The following ZFX variants were observed in gnomAD, a reference collection of about 807,000 sequenced individuals.
The protein encoded by ZFX is zinc finger X-chromosomal protein.
For synonymous variants in ZFX, 196 were observed against 226.8 expected (o/e 0.86, Z 1.22); for missense variants, 362 against 628.3 (o/e 0.58, Z 4.53).
chrX:24,157,908 G>A (rs926741183), intron 3 of ZFX, among the ~76,000 whole-genome samples: 13 of 111,066 alleles, frequency 1.2e-4, no homozygotes, highest in African/African-American at 4.3e-4. Context: ...ACAGGTGCAC[G>A]CTGCCACGCC....
At chrX:24,200,883 G>C (rs1937250371) in intron 5 of ZFX, among the ~76,000 whole-genome samples, 1 of 112,187 alleles carries the variant, frequency 8.9e-6, no homozygotes, top group Non-Finnish European at 1.9e-5. Flanking sequence ...ATGTAGAAAT[G>C]CTAAGGATAT....
chrX:24,210,366 A>T lies in ZFX; in HGVS notation c.1408A>T (p.Ser470Cys). 1 of 1,212,013 alleles carries T rather than the reference A, an allele frequency of 8.3e-7. No individual in the cohort carries two copies. The highest frequency in any genetic ancestry group is 1.1e-6 in the Non-Finnish European group (1 of 895,639). The change falls in exon 10 of 10, where the codon AGT (serine) becomes TGT (cysteine). Residue 470 changes from serine (S) to cysteine (C), a missense_variant. Coordinates refer to ENST00000304543, the MANE Select transcript of ZFX (RefSeq NM_003410.4). ...DCDYTTNKKI[S>C]LHNHLESHKL... ...TGATTACACTACCAACAAGAAGATAAGTTTACACAACCACCTGGAGAGCCA... is the reference window on the plus strand; with the variant it reads ...TGATTACACTACCAACAAGAAGATATGTTTACACAACCACCTGGAGAGCCA...
chrX:24,173,508 AAAC>A (rs930093734), intron 4 of ZFX: 1 of 1,043,090 alleles, frequency 9.6e-7, no homozygotes. Flanking sequence ...ATAGGAAAAA[AAAC>A]AGTATTAGAA....
chrX:24,179,729 A>G lies in ZFX; in HGVS notation c.605A>G (p.Asp202Gly). Residue 202 changes from aspartate (D) to glycine (G), a missense_variant, in exon 5 of 10, where the codon GAT (aspartate) becomes GGT (glycine). Coordinates refer to ENST00000304543, the MANE Select transcript of ZFX (RefSeq NM_003410.4). ...AATGGGATCCCTGTGGACCAGCAGG[A>G]TGATGACAAAGGCAACTGTGAGGAC... The part of the protein sequence containing the change: ...DANGIPVDQQ[D>G]DDKGNCEDYL... The G allele has an allele frequency of 1.7e-6, 2 of 1,210,642 alleles. No individual in the cohort carries two copies. The highest frequency in any genetic ancestry group is 1.1e-6 in the Non-Finnish European group (1 of 895,416).
chrX:24,206,506 T>C (rs1007842292), intron 5 of ZFX, among the ~76,000 whole-genome samples: 2 of 62,847 alleles, frequency 3.2e-5, no homozygotes, highest in Non-Finnish European at 5.3e-5. Context: ...CTGGCGTGTG[T>C]GTGTGTGTGT....
At chrX:24,160,298 C>CTTTTTT (rs397966885) in intron 3 of ZFX, among the ~76,000 whole-genome samples, 1 of 84,158 alleles carries the variant, frequency 1.2e-5, no homozygotes, top group South Asian at 5.7e-4. Context: ...AATTGAAATG[C>CTTTTTT]TTTTTTTTTT....
chrX:24,206,135 G>C (rs1937567779), intron 5 of ZFX, among the ~76,000 whole-genome samples: 1 of 111,468 alleles, frequency 9.0e-6, no homozygotes, highest in African/African-American at 3.3e-5. Context: ...AAAGTTGTGT[G>C]TGTATGTTAT....
rs767333577 is a variant in ZFX at position 24,208,209 on chromosome X, TCTA to T, written c.941-6_941-4del. ...CTGGTCACAGAAGTTTTTGTAACTT[TCTA>T]CTTAGATGTTGCTGAAATCGCTGAC... On this transcript the variant is annotated splice_polypyrimidine_tract_variant and splice_region_variant and intron_variant, in intron 7 of 9. Transcript: ENST00000304543. 22 of 1,210,593 alleles carry T rather than the reference TCTA, an allele frequency of 1.8e-5. No individual in the cohort carries two copies. In the South Asian group the frequency reaches 3.9e-4, roughly 21 times the overall value.
chrX:24,179,831 C>T lies in ZFX; in HGVS notation c.646+61C>T, dbSNP rs1935512382. The T allele has an allele frequency of 8.8e-6, 9 of 1,019,643 alleles. No individual in the cohort carries two copies. The South Asian group carries it at 1.1e-4, about 12-fold the overall frequency. The allele number at this position is 1,019,643 out of a possible 1,213,427, so 84.0% of individuals were successfully genotyped here. On this transcript the variant is annotated intron_variant, in intron 5 of 9. Coordinates refer to ENST00000304543, the MANE Select transcript of ZFX (RefSeq NM_003410.4). ...TTTGTAGGCTGCCTCTTCTAATTTA[C>T]ATCAGGGGTGAAATTTTCTTGACTT...
Position 24,215,993 on chromosome X carries a change from T to C in ZFX, c.*4617T>C, listed in dbSNP as rs1938445807. On this transcript the variant is annotated 3_prime_UTR_variant, in exon 10 of 10. Transcript: ENST00000304543. ...TCTTTTGTTTCGTGTATATACTGTT[T>C]GCCTTTTTCATAAAAATCTTGGATT... The C allele has an allele frequency of 8.9e-6, 1 of 111,890 alleles. No individual in the cohort carries two copies. Among genetic ancestry groups the C allele is most frequent in the African/African-American group, 3.2e-5 (1 of 30,773 alleles). 9.2% of individuals were successfully genotyped at this position (111,890 alleles called of 1,213,427 possible).
intron 5 of ZFX, among the ~76,000 whole-genome samples, chrX:24,196,872 G>A (rs1425975832): frequency 8.9e-6 from 1 of 112,724 alleles, no homozygotes; most frequent in Non-Finnish European, 1.9e-5. Context: ...TGGGATTACA[G>A]GTGTGAGCCA....
At chrX:24,158,526 A>G (rs1216239684) in intron 3 of ZFX, among the ~76,000 whole-genome samples, 4 of 112,263 alleles carry the variant, frequency 3.6e-5, no homozygotes, top group African/African-American at 1.3e-4. Context: ...CAGTAGAAGC[A>G]TTGATAATGG....
rs3838207 is a variant in ZFX, at chrX:24,215,844, T to TTGTGTGTG, written c.*4482_*4489dup. On this transcript the variant is annotated 3_prime_UTR_variant, in exon 10 of 10. Coordinates refer to ENST00000304543, the MANE Select transcript of ZFX (RefSeq NM_003410.4). ...TTTAAAAGAGAAGGGTTGAAAAAGA[T>TTGTGTGTG]TGTGTGTGTGTGTGTGTGTGTTTAA... The TTGTGTGTG allele has an allele frequency of 9.5e-6, 1 of 105,269 alleles. No individual in the cohort carries two copies. The highest frequency in any genetic ancestry group is 3.5e-5 in the African/African-American group (1 of 28,780). The allele number at this position is 105,269 out of a possible 1,213,427, so 8.7% of individuals were successfully genotyped here.
intron 3 of ZFX, among the ~76,000 whole-genome samples, chrX:24,168,466 T>C (rs941208235): frequency 9.0e-6 from 1 of 110,994 alleles, no homozygotes; most frequent in South Asian, 3.7e-4. Flanking sequence ...AACAAATAAA[T>C]TATATCTGTG....
intron 2 of ZFX, among the ~76,000 whole-genome samples, 195 bp downstream of exon 2, chrX:24,151,995 T>A (rs777076434): frequency 2.7e-5 from 3 of 112,019 alleles, no homozygotes; most frequent in African/African-American, 9.7e-5. Context: ...TCATCCGAAA[T>A]AATCTTTTGC....
At chrX:24,199,823 A>G (rs1298199431) in intron 5 of ZFX, among the ~76,000 whole-genome samples, 1 of 109,854 alleles carries the variant, frequency 9.1e-6, no homozygotes, top group Non-Finnish European at 1.9e-5. Flanking sequence ...AGGCTGAGGC[A>G]GGAGAATCGC....
intron 3 of ZFX, among the ~76,000 whole-genome samples, chrX:24,166,491 G>C (rs1194263594): frequency 8.9e-6 from 1 of 112,001 alleles, no homozygotes; most frequent in African/African-American, 3.2e-5. Context: ...AATGGAACTT[G>C]AATTACAGTT....
At chrX:24,194,283 C>G (rs766588649) in intron 5 of ZFX, among the ~76,000 whole-genome samples, 22 of 111,745 alleles carry the variant, frequency 2.0e-4, no homozygotes, top group South Asian at 1.5e-3. Context: ...TTCTCCCCCC[C>G]ACCAAAGCAA....
At chrX:24,182,900 G>T (rs1238428778) in intron 5 of ZFX, among the ~76,000 whole-genome samples, 1 of 111,596 alleles carries the variant, frequency 9.0e-6, no homozygotes. Context: ...CCTGGAGAGG[G>T]AAAGTGAGTC....
Sources: allele counts gnomAD v4.1 joint callset (sites outside exome capture counted in the v4.1 genomes callset), GRCh38; gene constraint gnomAD v4.1.1; transcripts MANE v1.5; gene names NCBI Gene and HGNC (gene_info 2026-07-23, HGNC 2026-07-21).